WWOX: variants seen among roughly 807,000 people sequenced by gnomAD.
WWOX encodes WW domain-containing oxidoreductase.
In WWOX, 69 loss-of-function variants were observed where a neutral mutation model predicts 46.2. The observed-to-expected ratio is 1.49, with a 90% CI of 1.23 to 1.82. The LOEUF is 1.82. Among genes scored for constraint, WWOX ranks in the 40% most tolerant of loss-of-function variants. WWOX has a pLI of 0.00. For synonymous variants in WWOX, 359 were observed against 202.6 expected, an observed-to-expected ratio of 1.77 and a Z score of -6.56; for missense variants, 919 against 542.6, an observed-to-expected ratio of 1.69 and a Z score of -6.89.
intron 5 of WWOX, among the ~76,000 whole-genome samples, chr16:78,298,637 T>G (rs2079983550): frequency 6.6e-6 from 1 of 152,006 alleles, no homozygotes; most frequent in Non-Finnish European, 1.5e-5. Flanking sequence ...ACTAAAAATA[T>G]AAAATTTGCC....
chr16:78,206,329 G>C (rs1036691362), intron 5 of WWOX, among the ~76,000 whole-genome samples: 1 of 151,990 alleles, frequency 6.6e-6, no homozygotes, highest in African/African-American at 2.4e-5. Flanking sequence ...AAGTATTTTG[G>C]TTGTTAAAAT....
rs373564530 is a variant in WWOX, at chr16:78,675,736, G to C, written c.1056+242984G>C. Among the ~76,000 whole-genome samples, 12 of 152,254 alleles carry C rather than the reference G, an allele frequency of 7.9e-5. No individual in the cohort carries two copies. The East Asian group carries it at 9.7e-4, about 12-fold the overall frequency. On this transcript the variant is annotated intron_variant, in intron 8 of 8. Transcript: ENST00000566780. Reference sequence around the variant, plus strand: ...ATGCCTATAACCCTGCACTTAGAGAGGGCAAGACAGAAGGATTGCTTGAGG... The same window carrying C: ...ATGCCTATAACCCTGCACTTAGAGACGGCAAGACAGAAGGATTGCTTGAGG...
At chr16:78,372,675 G>GT (rs930761748) in intron 5 of WWOX, among the ~76,000 whole-genome samples, 21 of 152,146 alleles carry the variant, frequency 1.4e-4, no homozygotes, top group Admixed American at 1.0e-3. Context: ...TTGAGGCTCC[G>GT]TTTTTTTGTT....
chr16:78,247,989 C>T (rs2037864316), intron 5 of WWOX, among the ~76,000 whole-genome samples: 1 of 152,170 alleles, frequency 6.6e-6, no homozygotes. Flanking sequence ...GAATCATCAG[C>T]TATGCAACAT....
At chr16:78,659,790 A>C (rs758753518) in intron 8 of WWOX, among the ~76,000 whole-genome samples, 1 of 152,200 alleles carries the variant, frequency 6.6e-6, no homozygotes, top group African/African-American at 2.4e-5. Flanking sequence ...TAAAGGGAGA[A>C]CAGCATTTTC....
chr16:78,324,722 A>T (rs1266304496), intron 5 of WWOX, among the ~76,000 whole-genome samples: 1 of 130,684 alleles, frequency 7.7e-6, no homozygotes, highest in Non-Finnish European at 1.6e-5. Flanking sequence ...GTTCTGTGAT[A>T]TGTCCAGAAC....
intron 8 of WWOX, among the ~76,000 whole-genome samples, chr16:78,566,342 C>T (rs1172223657): frequency 6.6e-6 from 1 of 152,214 alleles, no homozygotes; most frequent in Non-Finnish European, 1.5e-5. Flanking sequence ...TCACTTACCT[C>T]TCTACTAAGT....
intron 8 of WWOX, among the ~76,000 whole-genome samples, chr16:79,057,310 T>C (rs554888436): frequency 1.3e-5 from 2 of 152,344 alleles, no homozygotes; most frequent in Admixed American, 1.3e-4. Context: ...TGAATTGCAG[T>C]GGAAATCAGT....
At chr16:78,927,086 A>G (rs1389653570) in intron 8 of WWOX, among the ~76,000 whole-genome samples, 2 of 152,184 alleles carry the variant, frequency 1.3e-5, no homozygotes, top group African/African-American at 4.8e-5. Context: ...ATGAGCCACC[A>G]TGCCCTGCCC....
At chr16:78,275,796 G>A (rs754030586) in intron 5 of WWOX, among the ~76,000 whole-genome samples, 11 of 152,192 alleles carry the variant, frequency 7.2e-5, no homozygotes, top group Non-Finnish European at 1.6e-4. Flanking sequence ...AAAAAATCCA[G>A]TAAAGGGCAA....
chr16:78,791,157 C>T (rs2050587697), intron 8 of WWOX, among the ~76,000 whole-genome samples: 1 of 152,046 alleles, frequency 6.6e-6, no homozygotes, highest in African/African-American at 2.4e-5. Flanking sequence ...CTCTGTGACT[C>T]AGTGCTTTCC....
chr16:78,541,371 G>T (rs1021397843), intron 8 of WWOX, among the ~76,000 whole-genome samples: 1 of 149,424 alleles, frequency 6.7e-6, no homozygotes, highest in Non-Finnish European at 1.5e-5. Flanking sequence ...CTACTTGGGA[G>T]GCTGAGGCAG....
At chr16:78,848,156 T>A (rs1462757200) in intron 8 of WWOX, among the ~76,000 whole-genome samples, 1 of 152,200 alleles carries the variant, frequency 6.6e-6, no homozygotes, top group East Asian at 1.9e-4. Context: ...TCACTGTTGT[T>A]ACTCACTGGG....
intron 8 of WWOX, among the ~76,000 whole-genome samples, chr16:78,882,503 G>A (rs1353767462): frequency 1.3e-5 from 2 of 149,782 alleles, no homozygotes; most frequent in Non-Finnish European, 1.5e-5. Context: ...TTGAGATGGG[G>A]TCTCACTCTG....
At chr16:78,401,334 A>G (rs559452846) in intron 6 of WWOX, among the ~76,000 whole-genome samples, 8 of 152,232 alleles carry the variant, frequency 5.3e-5, no homozygotes, top group Admixed American at 3.9e-4. Flanking sequence ...TGAACCTAAT[A>G]TTTCTTAAAG....
chr16:79,211,389 C>A (rs913560713), intron 8 of WWOX, among the ~76,000 whole-genome samples: 3 of 152,140 alleles, frequency 2.0e-5, no homozygotes, highest in Non-Finnish European at 4.4e-5. Context: ...AAAGTTACAC[C>A]AGCTTTACAA....
chr16:78,926,505 G>A (rs2045501732), intron 8 of WWOX, among the ~76,000 whole-genome samples: 1 of 152,188 alleles, frequency 6.6e-6, no homozygotes, highest in South Asian at 2.1e-4. Flanking sequence ...CTTTGAGGAG[G>A]AGCAGGATGG....
chr16:78,582,615 T>C (rs2045088568), intron 8 of WWOX, among the ~76,000 whole-genome samples: 2 of 152,190 alleles, frequency 1.3e-5, no homozygotes, highest in African/African-American at 4.8e-5. Flanking sequence ...CATCAGTCTA[T>C]TGGTGGTTGA....
At chr16:78,224,336 T>G (rs1182321721) in intron 5 of WWOX, among the ~76,000 whole-genome samples, 1 of 152,018 alleles carries the variant, frequency 6.6e-6, no homozygotes, top group Non-Finnish European at 1.5e-5. Flanking sequence ...GAACAAGTCA[T>G]TTTTTTGGTG....
Sources: gnomAD v4.1 joint callset for allele counts (sites outside exome capture counted in the v4.1 genomes callset) on GRCh38, gnomAD v4.1.1 for gene constraint, MANE v1.5 for transcripts, NCBI Gene and HGNC (gene_info 2026-07-23, HGNC 2026-07-21) for gene names.